Variants in CHD9 observed in about 807,000 individuals in gnomAD.
CHD9 encodes the protein ATP-dependent chromatin remodeler CHD9.
Under a neutral mutation model 316.1 loss-of-function variants are expected in CHD9, and 77 were observed. The ratio of observed to expected loss-of-function variants is 0.24; its 90% CI spans 0.20 to 0.29. CHD9 has a LOEUF of 0.29. CHD9 is among the 10% of genes least tolerant of loss of function. The pLI, the probability that CHD9 is intolerant of heterozygous loss-of-function variation, is 1.00. For missense variants in CHD9, 2,763 were observed against 3,438.1 expected, an observed-to-expected ratio of 0.80 and a Z score of 4.91; for synonymous variants, 1,129 against 1,158.3, an observed-to-expected ratio of 0.97 and a Z score of 0.51.
intron 3 of CHD9, among the ~76,000 whole-genome samples, chr16:53,211,785 A>G (rs565164665): frequency 1.2e-3 from 176 of 152,210 alleles, no homozygotes; most frequent in Non-Finnish European, 2.1e-3. Context: ...AGGAAAAGGC[A>G]TAGTTGGAAT....
chr16:53,235,993 T>C (rs769763821), intron 11 of CHD9, among the ~76,000 whole-genome samples: 10 of 152,164 alleles, frequency 6.6e-5, no homozygotes, highest in Non-Finnish European at 1.0e-4. Context: ...TAATCATTTT[T>C]ACTTTTCACG....
At chr16:53,135,707 G>A (rs950740408) in intron 1 of CHD9, among the ~76,000 whole-genome samples, 1 of 152,170 alleles carries the variant, frequency 6.6e-6, no homozygotes. Flanking sequence ...TGAATGATAA[G>A]CGCCTTAGAA....
At chr16:53,254,361 T>G (rs2050393541) in intron 17 of CHD9, 77 bp from the exon 18 acceptor site, 1 of 1,045,146 alleles carries the variant, frequency 9.6e-7, no homozygotes, top group African/African-American at 1.6e-5. Flanking sequence ...TTGTATGTGT[T>G]TATATGCCAT....
intron 7 of CHD9, 118 bp from the exon 8 acceptor site, chr16:53,228,865 A>G (rs1445570368): frequency 9.6e-6 from 5 of 518,938 alleles, no homozygotes; most frequent in Non-Finnish European, 1.7e-5. Context: ...AAGTTAAATG[A>G]TGAACTACCT....
intron 13 of CHD9, among the ~76,000 whole-genome samples, chr16:53,243,562 C>G (rs997108001): frequency 6.6e-6 from 1 of 152,240 alleles, no homozygotes. Context: ...ATCCACCCGC[C>G]TCAGCCTCCA....
intron 36 of CHD9, among the ~76,000 whole-genome samples, chr16:53,317,488 G>A (rs1389916486): frequency 6.6e-6 from 1 of 152,054 alleles, no homozygotes; most frequent in Non-Finnish European, 1.5e-5. Flanking sequence ...ATGAGTTGTT[G>A]GGTTCTTGCT....
intron 24 of CHD9, among the ~76,000 whole-genome samples, chr16:53,278,646 G>A (rs917855832): frequency 6.6e-6 from 1 of 152,092 alleles, no homozygotes; most frequent in Non-Finnish European, 1.5e-5. Context: ...AATCTACAAT[G>A]AACTCAAACA....
intron 1 of CHD9, among the ~76,000 whole-genome samples, chr16:53,132,105 T>TGG (rs141834170): frequency 6.6e-6 from 1 of 151,090 alleles, no homozygotes; most frequent in Non-Finnish European, 1.5e-5. Flanking sequence ...AAATTTTTTT[T>TGG]GGGGGGGGTG....
At chr16:53,263,515 C>T (rs554210243) in intron 20 of CHD9, among the ~76,000 whole-genome samples, 2 of 152,132 alleles carry the variant, frequency 1.3e-5, no homozygotes. Context: ...CTTATGACTT[C>T]CCTTGAGCTA....
chr16:53,162,619 A>G (rs2041991598), intron 2 of CHD9, among the ~76,000 whole-genome samples: 1 of 141,442 alleles, frequency 7.1e-6, no homozygotes, highest in Non-Finnish European at 1.6e-5. Context: ...GAATTTTAAG[A>G]TATACTCATA....
intron 10 of CHD9, among the ~76,000 whole-genome samples, chr16:53,234,907 C>T (rs1156626885): frequency 6.6e-6 from 1 of 151,202 alleles, no homozygotes; most frequent in Non-Finnish European, 1.5e-5. Flanking sequence ...ATATTTGCAT[C>T]TTTGTTCGTG....
chr16:53,080,506 G>A (rs1047410251), intron 1 of CHD9, among the ~76,000 whole-genome samples: 3 of 152,120 alleles, frequency 2.0e-5, no homozygotes, highest in Non-Finnish European at 4.4e-5. Flanking sequence ...ACCCACCCCT[G>A]CTGCCCAAGT....
intron 1 of CHD9, among the ~76,000 whole-genome samples, chr16:53,064,549 G>C (rs1470521153): frequency 1.3e-5 from 2 of 152,190 alleles, no homozygotes; most frequent in Non-Finnish European, 2.9e-5. Flanking sequence ...TGGGCTGGAG[G>C]CTGGTGAACC....
At chr16:53,072,983 C>T (rs1249782890) in intron 1 of CHD9, among the ~76,000 whole-genome samples, 1 of 152,214 alleles carries the variant, frequency 6.6e-6, no homozygotes, top group Non-Finnish European at 1.5e-5. Flanking sequence ...GCTTCAGCCA[C>T]CACGCCCGGC....
At chr16:53,144,575 C>T (rs888047717) in intron 1 of CHD9, among the ~76,000 whole-genome samples, 1 of 151,026 alleles carries the variant, frequency 6.6e-6, no homozygotes, top group Non-Finnish European at 1.5e-5. Context: ...GTTGCCCAGG[C>T]TGGAGTGCAG....
chr16:53,151,782 C>T (rs1438504856), intron 1 of CHD9, among the ~76,000 whole-genome samples: 1 of 152,056 alleles, frequency 6.6e-6, no homozygotes, highest in African/African-American at 2.4e-5. Context: ...TTATTTTATT[C>T]ATATGCTGTT....
At chr16:53,280,569 G>A (rs569678260) in intron 24 of CHD9, among the ~76,000 whole-genome samples, 44 of 151,838 alleles carry the variant, frequency 2.9e-4, no homozygotes, top group Admixed American at 7.9e-4. Flanking sequence ...AATTGGGTGC[G>A]GTGTATACTG....
At chr16:53,182,975 T>A (rs2043655960) in intron 2 of CHD9, among the ~76,000 whole-genome samples, 1 of 152,208 alleles carries the variant, frequency 6.6e-6, no homozygotes, top group African/African-American at 2.4e-5. Context: ...ATTAGCTAAC[T>A]TTTTGTTTTA....
chr16:53,159,393 AT>A (rs1322499129), intron 2 of CHD9, among the ~76,000 whole-genome samples: 2 of 152,210 alleles, frequency 1.3e-5, no homozygotes, highest in Non-Finnish European at 2.9e-5. Context: ...ATAATAAAAA[AT>A]TAATGTAATA....
Sources: allele counts gnomAD v4.1 joint callset (sites outside exome capture counted in the v4.1 genomes callset), GRCh38; gene constraint gnomAD v4.1.1; transcripts MANE v1.5; gene names NCBI Gene and HGNC (gene_info 2026-07-23, HGNC 2026-07-21).